The following RIMKLB variants were observed in gnomAD, a reference collection of about 807,000 sequenced individuals.
The protein encoded by RIMKLB is ribosomal modification protein rimK like family member B.
RIMKLB carries 7 observed loss-of-function variants against 32.0 expected under a neutral mutation model. The ratio of observed to expected loss-of-function variants is 0.22; its 90% CI spans 0.12 to 0.41. RIMKLB has a LOEUF of 0.41. Ranked by LOEUF, RIMKLB falls within the 10% of genes least tolerant of loss-of-function variation. The pLI is 1.00. For synonymous variants in RIMKLB, 172 were observed against 185.1 expected, an observed-to-expected ratio of 0.93 and a Z score of 0.57; for missense variants, 289 against 498.7, an observed-to-expected ratio of 0.58 and a Z score of 4.00.
intron 5 of RIMKLB, among the ~76,000 whole-genome samples, chr12:8,761,446 C>T (rs758520550): frequency 6.6e-6 from 1 of 152,078 alleles, no homozygotes; most frequent in East Asian, 1.9e-4. Flanking sequence ...GAAAACAGAG[C>T]TCCCATAAAA....
At chr12:8,725,502 G>C (rs1945893176) in intron 2 of RIMKLB, among the ~76,000 whole-genome samples, 1 of 152,080 alleles carries the variant, frequency 6.6e-6, no homozygotes, top group Non-Finnish European at 1.5e-5. Flanking sequence ...AGTCTCACCT[G>C]ACGTCAGGAT....
At chr12:8,736,818 C>CT (rs1406467793) in intron 2 of RIMKLB, among the ~76,000 whole-genome samples, 1 of 151,418 alleles carries the variant, frequency 6.6e-6, no homozygotes, top group African/African-American at 2.4e-5. Context: ...CTATTAATTA[C>CT]TTTCTTTTTT....
the RIMKLB span, among the ~76,000 whole-genome samples, chr12:8,669,296 G>A: frequency 1.7e-4 from 26 of 152,008 alleles, no homozygotes; most frequent in African/African-American, 6.0e-4. Flanking sequence ...TAATTACTAT[G>A]GGGAGAACAC....
intron 1 of RIMKLB, among the ~76,000 whole-genome samples, chr12:8,687,354 C>T (rs915105923): frequency 6.6e-6 from 1 of 152,178 alleles, no homozygotes; most frequent in African/African-American, 2.4e-5. Context: ...TCAAAACATA[C>T]AACCTCATCA....
At chr12:8,717,882 G>A (rs1945020790) in intron 2 of RIMKLB, among the ~76,000 whole-genome samples, 1 of 152,044 alleles carries the variant, frequency 6.6e-6, no homozygotes, top group Non-Finnish European at 1.5e-5. Context: ...ATCTTCATCG[G>A]TTAAAAACTT....
At chr12:8,748,557 TGC>T (rs1491053922) in intron 2 of RIMKLB, among the ~76,000 whole-genome samples, 3,431 of 102,102 alleles carry the variant, frequency 0.034, 136 homozygotes, top group African/African-American at 0.1. Flanking sequence ...TGTGTGTGTG[TGC>T]ATATATATAT....
At chr12:8,696,749 A>C (rs965144845), upstream of RIMKLB, among the ~76,000 whole-genome samples, 1 of 152,228 alleles carries the variant, frequency 6.6e-6, no homozygotes, top group African/African-American at 2.4e-5. Flanking sequence ...AAATTAGTCA[A>C]AAAATTTTTT....
Position 8,774,911 on chromosome 12 carries a change from T to G in RIMKLB, c.*1127T>G. On this transcript the variant is annotated 3_prime_UTR_variant, in exon 6 of 6. Coordinates refer to ENST00000535829, the MANE Select transcript of RIMKLB (RefSeq NM_001297776.2). ...GTGCACGCATGCATGTGTATGTGTT[T>G]TGCTTTTTGTTTCCATCAACTAATC... The G allele has an allele frequency of 1.0e-6, 1 of 985,788 alleles. No homozygotes were observed. Among genetic ancestry groups the G allele is most frequent in the Non-Finnish European group, 1.2e-6 (1 of 829,890 alleles). 61.1% of individuals were successfully genotyped at this position (985,788 alleles called of 1,614,324 possible).
intron 2 of RIMKLB, among the ~76,000 whole-genome samples, chr12:8,727,560 G>C (rs1300395856): frequency 6.6e-6 from 1 of 152,094 alleles, no homozygotes. Context: ...TGTATCCATG[G>C]GTTTTGCATC....
chr12:8,705,416 G>T (rs1238573343), intron 1 of RIMKLB, among the ~76,000 whole-genome samples: 1 of 150,192 alleles, frequency 6.7e-6, no homozygotes, highest in African/African-American at 2.5e-5. Context: ...GGCAGAGGTT[G>T]CAGTGAGCCA....
intron 2 of RIMKLB, among the ~76,000 whole-genome samples, chr12:8,721,597 T>C (rs1446610964): frequency 6.6e-6 from 1 of 152,208 alleles, no homozygotes; most frequent in Non-Finnish European, 1.5e-5. Flanking sequence ...ATTATAGCTC[T>C]CTTGCCATCT....
intron 2 of RIMKLB, among the ~76,000 whole-genome samples, chr12:8,749,149 T>C (rs1043504829): frequency 3.9e-5 from 6 of 152,202 alleles, no homozygotes; most frequent in African/African-American, 1.4e-4. Flanking sequence ...ACTTTTCTCT[T>C]CAACCTTTTT....
chr12:8,693,444 C>T (rs1272340363), upstream of RIMKLB, among the ~76,000 whole-genome samples: 6 of 150,868 alleles, frequency 4.0e-5, no homozygotes, highest in African/African-American at 1.5e-4. Context: ...TCACCTAGAC[C>T]GGAGTGCAGT....
chr12:8,691,806 G>A (rs2136577332), intron 1 of RIMKLB, among the ~76,000 whole-genome samples: 1 of 152,304 alleles, frequency 6.6e-6, no homozygotes, highest in East Asian at 1.9e-4. Context: ...GTGGTGCCAG[G>A]CCATTAGGAT....
chr12:8,715,634 A>G (rs1367803809), intron 2 of RIMKLB, among the ~76,000 whole-genome samples: 1 of 152,150 alleles, frequency 6.6e-6, no homozygotes, highest in African/African-American at 2.4e-5. Context: ...ATACCTAGTT[A>G]TTTAGATTCA....
chr12:8,758,685 A>G (rs1949277864), intron 5 of RIMKLB, among the ~76,000 whole-genome samples: 1 of 152,160 alleles, frequency 6.6e-6, no homozygotes, highest in South Asian at 2.1e-4. Flanking sequence ...TAGGACTTTA[A>G]TCTACCTGAA....
At chr12:8,706,444 C>CTT (rs1199005342) in intron 1 of RIMKLB, among the ~76,000 whole-genome samples, 1,971 of 95,166 alleles carry the variant, frequency 0.021, 126 homozygotes, top group African/African-American at 0.076. Flanking sequence ...CACGCCTGGA[C>CTT]TTTTTTTTTT....
At chr12:8,703,349 A>G (rs916163575) in intron 1 of RIMKLB, among the ~76,000 whole-genome samples, 3 of 152,152 alleles carry the variant, frequency 2.0e-5, no homozygotes, top group African/African-American at 4.8e-5. Context: ...TTTTTAAGGC[A>G]GGGTTTTGCT....
At chr12:8,765,715 T>C (rs59306936) in intron 5 of RIMKLB, among the ~76,000 whole-genome samples, 5,035 of 152,232 alleles carry the variant, frequency 0.033, 259 homozygotes, top group African/African-American at 0.11. Context: ...GTTCATTGTT[T>C]ACCCCTTTGT....
Sources: gnomAD v4.1 joint callset for allele counts (sites outside exome capture counted in the v4.1 genomes callset) on GRCh38, gnomAD v4.1.1 for gene constraint, MANE v1.5 for transcripts, NCBI Gene and HGNC (gene_info 2026-07-23, HGNC 2026-07-21) for gene names.